Variants in GALNT7 observed in about 807,000 individuals in gnomAD.
GALNT7 encodes the protein N-acetylgalactosaminyltransferase 7.
GALNT7 carries 60 observed loss-of-function variants against 82.1 expected under a neutral mutation model. That is an observed-to-expected ratio of 0.73 (90% CI 0.59 to 0.91). The LOEUF (loss-of-function observed/expected upper bound fraction) is 0.91. GALNT7 is among the 40% of genes least tolerant of loss of function. The probability of loss-of-function intolerance (pLI) is 0.00; values close to 1 mark genes in which losing one functional copy is unlikely to be tolerated. For missense variants in GALNT7, 660 were observed against 804.2 expected (o/e 0.82, Z 2.17); for synonymous variants, 243 against 275.1 (o/e 0.88, Z 1.15).
At chr4:173,297,704 C>T (rs1427954527) in intron 5 of GALNT7, 1 of 575,338 alleles carries the variant, frequency 1.7e-6, no homozygotes, top group Non-Finnish European at 2.8e-6. Flanking sequence ...AGTGCACAAA[C>T]AAATCAACAA....
At chr4:173,263,701 C>T (rs1253583332) in intron 2 of GALNT7, among the ~76,000 whole-genome samples, 1 of 151,824 alleles carries the variant, frequency 6.6e-6, no homozygotes, top group South Asian at 2.1e-4. Flanking sequence ...GGGAACAAAA[C>T]CCAAGGGTTC....
intron 8 of GALNT7, among the ~76,000 whole-genome samples, chr4:173,307,019 T>C (rs1169275392): frequency 6.6e-6 from 1 of 152,248 alleles, no homozygotes; most frequent in Non-Finnish European, 1.5e-5. Flanking sequence ...ATACCAGGTA[T>C]ATATTCCCTG....
At chr4:173,187,824 G>A (rs139734440) in intron 1 of GALNT7, among the ~76,000 whole-genome samples, 4 of 152,214 alleles carry the variant, frequency 2.6e-5, no homozygotes, top group African/African-American at 7.2e-5. Context: ...TCTGTGTGTC[G>A]TGAAGCATAA....
At chr4:173,301,281 G>A (rs1342904769) in intron 6 of GALNT7, among the ~76,000 whole-genome samples, 2 of 152,080 alleles carry the variant, frequency 1.3e-5, no homozygotes, top group East Asian at 3.9e-4. Context: ...AATCATGATG[G>A]ATTAGTAATT....
intron 6 of GALNT7, 66 bp downstream of exon 6, chr4:173,298,363 C>A: frequency 9.6e-7 from 1 of 1,037,002 alleles, no homozygotes; most frequent in East Asian, 2.5e-5. Flanking sequence ...AACCTCTTGC[C>A]AAGCTAAAGA....
intron 1 of GALNT7, among the ~76,000 whole-genome samples, chr4:173,191,950 G>A (rs1351938579): frequency 6.6e-6 from 1 of 152,152 alleles, no homozygotes; most frequent in Non-Finnish European, 1.5e-5. Context: ...CCACACCCTG[G>A]TTTGTGGTAG....
intron 10 of GALNT7, 51 bp downstream of exon 10, chr4:173,317,783 G>A: frequency 9.2e-7 from 1 of 1,092,060 alleles, no homozygotes; most frequent in East Asian, 2.4e-5. Flanking sequence ...AGGGCCATCA[G>A]GTTTATTGAT....
chr4:173,264,605 A>G (rs1253336085), intron 2 of GALNT7, among the ~76,000 whole-genome samples: 2 of 152,192 alleles, frequency 1.3e-5, no homozygotes, highest in African/African-American at 4.8e-5. Context: ...AGGCAACTCT[A>G]TGCTTTTGTT....
At chr4:173,197,200 T>C (rs527387750) in intron 1 of GALNT7, among the ~76,000 whole-genome samples, 1 of 151,868 alleles carries the variant, frequency 6.6e-6, no homozygotes, top group South Asian at 2.1e-4. Context: ...ACTTCCAGAC[T>C]CATCACTGAG....
At chr4:173,301,879 C>A (rs572842471) in intron 6 of GALNT7, among the ~76,000 whole-genome samples, 168 bp from the exon 7 acceptor site, 2 of 152,158 alleles carry the variant, frequency 1.3e-5, no homozygotes, top group Non-Finnish European at 2.9e-5. Flanking sequence ...GAATTATGAA[C>A]AGATTTTTTT....
At chr4:173,295,993 A>G (rs1157023224) in intron 5 of GALNT7, 150 bp downstream of exon 5, 6 of 631,278 alleles carry the variant, frequency 9.5e-6, no homozygotes, top group African/African-American at 7.3e-5. Flanking sequence ...CCTTGGGTGG[A>G]GCTAGACTGA....
At chr4:173,313,508 C>G (rs1263716718) in intron 8 of GALNT7, among the ~76,000 whole-genome samples, 1 of 149,918 alleles carries the variant, frequency 6.7e-6, no homozygotes, top group Non-Finnish European at 1.5e-5. Context: ...GAAGTTGAAG[C>G]TGCAATGAGC....
chr4:173,298,783 G>T (rs1736813505), intron 6 of GALNT7, among the ~76,000 whole-genome samples: 1 of 152,208 alleles, frequency 6.6e-6, no homozygotes, highest in African/African-American at 2.4e-5. Flanking sequence ...TTGCTGTTAT[G>T]TTAACTCTCA....
At chr4:173,289,548 G>C (rs574399867) in intron 2 of GALNT7, among the ~76,000 whole-genome samples, 2 of 152,332 alleles carry the variant, frequency 1.3e-5, no homozygotes. Context: ...TATCAGTAAA[G>C]CTGTCTGTGC....
intron 1 of GALNT7, among the ~76,000 whole-genome samples, chr4:173,197,063 C>CTTTTTTTTTT (rs5864189): frequency 8.5e-6 from 1 of 117,946 alleles, no homozygotes. Flanking sequence ...CTCTCTCTCC[C>CTTTTTTTTTT]TTTTTTTTTT....
At chr4:173,172,637 C>G (rs970165186) in intron 1 of GALNT7, among the ~76,000 whole-genome samples, 1 of 152,114 alleles carries the variant, frequency 6.6e-6, no homozygotes, top group African/African-American at 2.4e-5. Context: ...GTCTGCCTAG[C>G]TGCCTACTCT....
At chr4:173,275,275 G>A (rs1379605261) in intron 2 of GALNT7, among the ~76,000 whole-genome samples, 1 of 152,178 alleles carries the variant, frequency 6.6e-6, no homozygotes, top group Admixed American at 6.5e-5. Context: ...ATGACGATGT[G>A]ACCTTTAAGA....
intron 2 of GALNT7, among the ~76,000 whole-genome samples, chr4:173,257,626 A>G (rs1460233991): frequency 6.6e-6 from 1 of 152,152 alleles, no homozygotes; most frequent in Non-Finnish European, 1.5e-5. Context: ...TTCCCTCTTC[A>G]CTGAATCCTA....
At chr4:173,188,811 A>G (rs541539517) in intron 1 of GALNT7, among the ~76,000 whole-genome samples, 3 of 152,278 alleles carry the variant, frequency 2.0e-5, no homozygotes, top group African/African-American at 4.8e-5. Context: ...CCATACCGAT[A>G]TATCTGACCT....
Sources: gnomAD v4.1 joint callset for allele counts (sites outside exome capture counted in the v4.1 genomes callset) on GRCh38, gnomAD v4.1.1 for gene constraint, MANE v1.5 for transcripts, NCBI Gene and HGNC (gene_info 2026-07-23, HGNC 2026-07-21) for gene names.